MICAL2: variants seen among roughly 807,000 people sequenced by gnomAD.
MICAL2 encodes microtubule associated monooxygenase, calponin and LIM domain containing 2, also known as [F-actin]-monooxygenase MICAL2.
In MICAL2, 77 loss-of-function variants were observed where a neutral mutation model predicts 127.3. That is an observed-to-expected ratio of 0.60 (90% CI 0.50 to 0.73). The LOEUF is 0.73. Among genes scored for constraint, MICAL2 ranks in the 30% least tolerant of loss-of-function variants. The pLI, the probability that MICAL2 is intolerant of heterozygous loss-of-function variation, is 0.00. For missense variants in MICAL2, 1,351 were observed against 1,434.4 expected, an observed-to-expected ratio of 0.94 and a Z score of 0.94; for synonymous variants, 570 against 551.1, an observed-to-expected ratio of 1.03 and a Z score of -0.48.
intron 1 of MICAL2, among the ~76,000 whole-genome samples, chr11:12,124,258 G>A (rs1236181138): frequency 6.6e-6 from 1 of 151,966 alleles, no homozygotes; most frequent in Non-Finnish European, 1.5e-5. Flanking sequence ...CTTATCGAAG[G>A]GACCCCTCTG....
At chr11:12,320,987 C>T (rs1367957043) in intron 30 of MICAL2, among the ~76,000 whole-genome samples, 1 of 152,156 alleles carries the variant, frequency 6.6e-6, no homozygotes, top group African/African-American at 2.4e-5. Context: ...CTCTCATCCC[C>T]TTGAATGACC....
chr11:12,126,824 G>C (rs759845378), intron 1 of MICAL2, among the ~76,000 whole-genome samples: 6 of 152,148 alleles, frequency 3.9e-5, no homozygotes, highest in Non-Finnish European at 8.8e-5. Context: ...GGCAGCGGTG[G>C]GTGTGGGGAG....
downstream of MICAL2, among the ~76,000 whole-genome samples, chr11:12,296,899 C>G (rs1347342986): frequency 1.3e-5 from 2 of 152,112 alleles, no homozygotes; most frequent in Non-Finnish European, 2.9e-5. Context: ...TGTTTTATAG[C>G]TGTACAGTAT....
intron 32 of MICAL2, among the ~76,000 whole-genome samples, chr11:12,338,356 G>A (rs569616597): frequency 7.2e-5 from 11 of 152,206 alleles, no homozygotes; most frequent in Middle Eastern, 3.4e-3. Flanking sequence ...GTCTCTGCAC[G>A]TGAAATGGGT....
chr11:12,277,320 C>A (rs1156776111), intron 1 of MICAL2, among the ~76,000 whole-genome samples: 1 of 152,012 alleles, frequency 6.6e-6, no homozygotes, highest in Non-Finnish European at 1.5e-5. Context: ...GCTCCAGTGC[C>A]ATCTGATTGG....
intron 3 of MICAL2, among the ~76,000 whole-genome samples, chr11:12,182,649 T>C (rs1857620619): frequency 6.6e-6 from 1 of 152,208 alleles, no homozygotes; most frequent in Non-Finnish European, 1.5e-5. Context: ...ACGTTTTTCC[T>C]TTAATTAAGG....
chr11:12,171,829 T>C (rs891689570), intron 3 of MICAL2, among the ~76,000 whole-genome samples: 1 of 152,222 alleles, frequency 6.6e-6, no homozygotes, highest in African/African-American at 2.4e-5. Context: ...AAACTTTCTA[T>C]TAGCCACATT....
intron 15 of MICAL2, among the ~76,000 whole-genome samples, chr11:12,232,547 A>G (rs557244622): frequency 6.6e-6 from 1 of 152,266 alleles, no homozygotes; most frequent in East Asian, 1.9e-4. Flanking sequence ...ACAAAGTGAA[A>G]CCCTGTCTCT....
At chr11:12,184,695 G>A (rs2133972571) in intron 3 of MICAL2, among the ~76,000 whole-genome samples, 1 of 152,238 alleles carries the variant, frequency 6.6e-6, no homozygotes, top group East Asian at 1.9e-4. Context: ...AGTCAGTTGT[G>A]GGGAGAGAGT....
chr11:12,192,840 T>C (rs1313709699), intron 3 of MICAL2, among the ~76,000 whole-genome samples: 1 of 152,164 alleles, frequency 6.6e-6, no homozygotes, highest in African/African-American at 2.4e-5. Flanking sequence ...GGGTCATTGC[T>C]ACCATTTACT....
At chr11:12,246,067 G>A (rs181628172) in intron 21 of MICAL2, among the ~76,000 whole-genome samples, 40 of 152,350 alleles carry the variant, frequency 2.6e-4, no homozygotes, top group African/African-American at 9.1e-4. Flanking sequence ...AAAGTCTGGC[G>A]TGGTCACTGT....
downstream of MICAL2, among the ~76,000 whole-genome samples, chr11:12,265,411 G>A (rs191760661): frequency 1.6e-4 from 25 of 152,334 alleles, no homozygotes; most frequent in Non-Finnish European, 3.2e-4. Flanking sequence ...ATGGAATTAA[G>A]TATTGATTAG....
intron 3 of MICAL2, among the ~76,000 whole-genome samples, chr11:12,184,816 C>T (rs1857949361): frequency 1.3e-5 from 2 of 151,746 alleles, no homozygotes; most frequent in Admixed American, 6.6e-5. Flanking sequence ...GATTATCCCA[C>T]CACACAGATT....
Position 12,324,071 on chromosome 11 carries a change from G to T in MICAL2, c.5421+1G>T, listed in dbSNP as rs771691119. The stretch of plus-strand genomic sequence containing the variant: ...ATTGAAAAGACTCTATAAGGCTCAG[G>T]TCAGTAAATAAACTGGACATGAGTG... On this transcript the variant is annotated splice_donor_variant, in intron 31 of 34. Transcript: ENST00000646065. LOFTEE classifies it high-confidence loss of function. 5 of 1,608,366 alleles carry T rather than the reference G, an allele frequency of 3.1e-6. No individual in the cohort carries two copies. Among genetic ancestry groups the T allele is most frequent in the Non-Finnish European group, 4.2e-6 (5 of 1,178,518 alleles).
downstream of MICAL2, among the ~76,000 whole-genome samples, chr11:12,264,082 G>A (rs1483843491): frequency 3.3e-5 from 5 of 152,280 alleles, no homozygotes; most frequent in East Asian, 7.7e-4. Flanking sequence ...TCAGCGATTA[G>A]AAGCAGACTG....
At chr11:12,117,127 G>A (rs1020416899) in intron 1 of MICAL2, among the ~76,000 whole-genome samples, 1 of 152,198 alleles carries the variant, frequency 6.6e-6, no homozygotes, top group Non-Finnish European at 1.5e-5. Context: ...AATTACAGAG[G>A]TAAGGGCAGG....
upstream of MICAL2, among the ~76,000 whole-genome samples, chr11:12,273,679 G>A (rs944426087): frequency 3.1e-4 from 47 of 152,090 alleles, no homozygotes; most frequent in Admixed American, 3.0e-3. Context: ...AGAACACATG[G>A]GTAAAAAGAT....
chr11:12,120,265 A>G (rs969738327), intron 1 of MICAL2, among the ~76,000 whole-genome samples: 5 of 152,240 alleles, frequency 3.3e-5, no homozygotes, highest in Admixed American at 6.5e-5. Context: ...AGATGAGTTT[A>G]TCTTTGATTA....
intron 2 of MICAL2, among the ~76,000 whole-genome samples, chr11:12,142,340 A>T (rs1852428887): frequency 6.6e-6 from 1 of 152,176 alleles, no homozygotes; most frequent in African/African-American, 2.4e-5. Flanking sequence ...CTGTTTTATG[A>T]TGTGTCTTGG....
Sources: gnomAD v4.1 joint callset for allele counts (sites outside exome capture counted in the v4.1 genomes callset) on GRCh38, gnomAD v4.1.1 for gene constraint, MANE v1.5 for transcripts, NCBI Gene and HGNC (gene_info 2026-07-23, HGNC 2026-07-21) for gene names.